The following SPIDR variants were observed in gnomAD, a reference collection of about 807,000 sequenced individuals.
SPIDR encodes the protein scaffold protein involved in DNA repair, also known as DNA repair-scaffolding protein.
In SPIDR, 93 loss-of-function variants were observed where a neutral mutation model predicts 104.6. The observed-to-expected ratio is 0.89, with a 90% CI of 0.75 to 1.06. The LOEUF (loss-of-function observed/expected upper bound fraction) is 1.06. Among genes scored for constraint, SPIDR ranks in the 50% least tolerant of loss-of-function variants. The probability of loss-of-function intolerance (pLI) is 0.00; values close to 1 mark genes in which losing one functional copy is unlikely to be tolerated. For missense variants in SPIDR, 1,154 were observed against 1,111.2 expected (o/e 1.04, Z -0.55); for synonymous variants, 431 against 416.9 (o/e 1.03, Z -0.41).
chr8:47,698,741 G>T (rs915722501), intron 11 of SPIDR, among the ~76,000 whole-genome samples: 8 of 152,164 alleles, frequency 5.3e-5, no homozygotes, highest in Non-Finnish European at 1.2e-4. Context: ...ACCAAAAAGG[G>T]TTTCATGGTT....
chr8:47,682,871 G>T (rs1438501206), intron 11 of SPIDR, among the ~76,000 whole-genome samples: 1 of 152,114 alleles, frequency 6.6e-6, no homozygotes, highest in Non-Finnish European at 1.5e-5. Flanking sequence ...TCTTTCAGTG[G>T]AAGATCTCTT....
intron 8 of SPIDR, among the ~76,000 whole-genome samples, chr8:47,500,077 A>G (rs1268103517): frequency 1.3e-5 from 2 of 152,098 alleles, no homozygotes; most frequent in East Asian, 3.8e-4. Flanking sequence ...AGTCTTTGCT[A>G]TTGTGAATAG....
intron 19 of SPIDR, among the ~76,000 whole-genome samples, chr8:47,734,514 A>G (rs2085847230): frequency 6.6e-6 from 1 of 152,182 alleles, no homozygotes; most frequent in African/African-American, 2.4e-5. Flanking sequence ...GAACTGCTGT[A>G]GCAACTGCCA....
intron 8 of SPIDR, chr8:47,546,950 A>G: frequency 2.0e-6 from 1 of 489,876 alleles, no homozygotes; most frequent in East Asian, 5.2e-5. Context: ...AAGCTGTTCC[A>G]TTGGCATCTT....
intron 11 of SPIDR, among the ~76,000 whole-genome samples, chr8:47,684,270 A>T (rs1351065678): frequency 3.3e-5 from 5 of 152,046 alleles, no homozygotes; most frequent in Admixed American, 2.6e-4. Flanking sequence ...CCCTCACTCC[A>T]CTACCTACTC....
chr8:47,658,934 C>T (rs980636340), intron 10 of SPIDR, among the ~76,000 whole-genome samples: 1 of 146,802 alleles, frequency 6.8e-6, no homozygotes, highest in Non-Finnish European at 1.5e-5. Context: ...AAAACTCCAT[C>T]TCCATCTCAA....
chr8:47,728,845 A>G (rs1242756795), intron 17 of SPIDR, 88 bp from the exon 18 acceptor site: 8 of 1,440,642 alleles, frequency 5.6e-6, no homozygotes, highest in Non-Finnish European at 3.8e-6. Context: ...CTCAGCAGAC[A>G]CTCATGTTTA....
At chr8:47,435,670 C>G (rs2068174562) in intron 7 of SPIDR, among the ~76,000 whole-genome samples, 1 of 152,176 alleles carries the variant, frequency 6.6e-6, no homozygotes, top group African/African-American at 2.4e-5. Flanking sequence ...GACAAGTTAT[C>G]TTCTTTTTCA....
At chr8:47,304,878 AT>A (rs1191987422) in intron 5 of SPIDR, among the ~76,000 whole-genome samples, 3 of 152,218 alleles carry the variant, frequency 2.0e-5, no homozygotes, top group Non-Finnish European at 4.4e-5. Context: ...TCATGAATAG[AT>A]TAATATCATT....
chr8:47,538,066 T>C (rs965515152), intron 8 of SPIDR, among the ~76,000 whole-genome samples: 2 of 151,884 alleles, frequency 1.3e-5, no homozygotes, highest in Non-Finnish European at 2.9e-5. Context: ...TCTCAGCTAC[T>C]CAGGAGGCTG....
chr8:47,362,875 AC>A (rs1257166903), intron 5 of SPIDR, among the ~76,000 whole-genome samples: 1 of 151,764 alleles, frequency 6.6e-6, no homozygotes, highest in African/African-American at 2.4e-5. Flanking sequence ...CTGGTCTTGA[AC>A]TCCTAACTTC....
At chr8:47,735,215 G>C (rs1589664444) in intron 19 of SPIDR, 92 bp from the exon 20 acceptor site, 13 of 1,238,192 alleles carry the variant, frequency 1.0e-5, no homozygotes, top group Non-Finnish European at 1.5e-5. Flanking sequence ...TGGGGAAAGG[G>C]CCTTCCACTC....
chr8:47,485,485 T>C (rs1365119288), intron 8 of SPIDR, among the ~76,000 whole-genome samples: 1 of 152,220 alleles, frequency 6.6e-6, no homozygotes, highest in Non-Finnish European at 1.5e-5. Flanking sequence ...TGTCCCTGTC[T>C]GACAGCTTCG....
intron 5 of SPIDR, among the ~76,000 whole-genome samples, chr8:47,324,662 A>G (rs2047356285): frequency 6.6e-6 from 1 of 152,186 alleles, no homozygotes. Context: ...TCTACACCTG[A>G]GATGCTTCCC....
chr8:47,484,799 G>A (rs1159799903), intron 8 of SPIDR, among the ~76,000 whole-genome samples: 1 of 152,188 alleles, frequency 6.6e-6, no homozygotes, highest in Non-Finnish European at 1.5e-5. Context: ...TTTCCTGAAT[G>A]TGTTTACCAC....
chr8:47,569,944 A>C (rs1285425719), intron 8 of SPIDR, among the ~76,000 whole-genome samples: 1 of 152,194 alleles, frequency 6.6e-6, no homozygotes, highest in Non-Finnish European at 1.5e-5. Context: ...AGTGTAATAC[A>C]CTCTGAAAAC....
chr8:47,391,102 C>T (rs2060527553), intron 5 of SPIDR, among the ~76,000 whole-genome samples: 1 of 152,164 alleles, frequency 6.6e-6, no homozygotes. Context: ...CCAGTAGGTC[C>T]TCTCTGTCCG....
chr8:47,488,762 C>T (rs1216921204), intron 8 of SPIDR, among the ~76,000 whole-genome samples: 1 of 152,178 alleles, frequency 6.6e-6, no homozygotes, highest in East Asian at 1.9e-4. Context: ...ACATGATTAT[C>T]TTAATAGATG....
chr8:47,635,912 A>G (rs541717378), intron 10 of SPIDR, among the ~76,000 whole-genome samples: 3 of 152,232 alleles, frequency 2.0e-5, no homozygotes, highest in Admixed American at 6.5e-5. Flanking sequence ...CACAAAGGTA[A>G]CTATTTCCTT....
Sources: gnomAD v4.1 joint callset for allele counts (sites outside exome capture counted in the v4.1 genomes callset) on GRCh38, gnomAD v4.1.1 for gene constraint, MANE v1.5 for transcripts, NCBI Gene and HGNC (gene_info 2026-07-23, HGNC 2026-07-21) for gene names.